Variants in RCOR3 observed in about 807,000 individuals in gnomAD.
RCOR3 encodes the protein REST corepressor 3.
RCOR3 carries 13 observed loss-of-function variants against 64.1 expected under a neutral mutation model. The ratio of observed to expected loss-of-function variants is 0.20; its 90% CI spans 0.13 to 0.32. RCOR3 has a LOEUF of 0.32. Ranked by LOEUF, RCOR3 falls within the 10% of genes least tolerant of loss-of-function variation. The pLI, the probability that RCOR3 is intolerant of heterozygous loss-of-function variation, is 1.00. For synonymous variants in RCOR3, 215 were observed against 239.0 expected (o/e 0.90, Z 0.93); for missense variants, 489 against 701.2 (o/e 0.70, Z 3.42).
chr1:211,308,215 T>C (rs2102660995), intron 10 of RCOR3, among the ~76,000 whole-genome samples: 1 of 152,328 alleles, frequency 6.6e-6, no homozygotes, highest in East Asian at 1.9e-4. Flanking sequence ...AAAAGTATAA[T>C]TGTCAGCCCT....
At chr1:211,266,146 A>G (rs1040921921) in intron 2 of RCOR3, among the ~76,000 whole-genome samples, 4 of 152,186 alleles carry the variant, frequency 2.6e-5, no homozygotes, top group African/African-American at 9.7e-5. Context: ...ACCCTGGGAA[A>G]GTCTTTGTTT....
chr1:211,259,428 G>GCCTCCT lies in RCOR3; in HGVS notation c.-124_-119dup. 3 of 867,968 alleles carry GCCTCCT rather than the reference G, an allele frequency of 3.5e-6. No individual in the cohort carries two copies. The highest frequency in any genetic ancestry group is 3.0e-5 in the East Asian group (1 of 33,424). 53.8% of individuals were successfully genotyped at this position (867,968 alleles called of 1,614,324 possible). ...CGGTTATGGCGGCTCCATATTAACAGCCTCCTCCTCCTCCGCCGCCGCCGC... is the reference window on the plus strand; with the variant it reads ...CGGTTATGGCGGCTCCATATTAACAGCCTCCTCCTCCTCCTCCTCCGCCGCCGCCGC... On this transcript the variant is annotated 5_prime_UTR_variant, in exon 1 of 12. Transcript: ENST00000419091.
intron 7 of RCOR3, among the ~76,000 whole-genome samples, chr1:211,285,895 T>A (rs941682875): frequency 6.6e-6 from 1 of 152,232 alleles, no homozygotes; most frequent in Non-Finnish European, 1.5e-5. Flanking sequence ...TTTATCTTGC[T>A]GCTGAATTGA....
At chr1:211,292,686 C>T (rs919143965) in intron 8 of RCOR3, among the ~76,000 whole-genome samples, 7 of 152,124 alleles carry the variant, frequency 4.6e-5, no homozygotes, top group African/African-American at 7.2e-5. Flanking sequence ...ATCTGTTCCA[C>T]GTTTTGTATT....
chr1:211,260,276 G>A (rs1694016810), intron 2 of RCOR3, 112 bp downstream of exon 2: 7 of 935,248 alleles, frequency 7.5e-6, no homozygotes, highest in Non-Finnish European at 1.2e-5. Context: ...GGTTGGGCTG[G>A]GCAGGCATCC....
intron 2 of RCOR3, among the ~76,000 whole-genome samples, chr1:211,265,398 C>T (rs1695008420): frequency 6.6e-6 from 1 of 152,048 alleles, no homozygotes; most frequent in Admixed American, 6.6e-5. Context: ...AGAATTTTAT[C>T]ATATATAATT....
At chr1:211,299,693 A>C in intron 9 of RCOR3, among the ~76,000 whole-genome samples, 1 of 152,208 alleles carries the variant, frequency 6.6e-6, no homozygotes, top group East Asian at 1.9e-4. Flanking sequence ...AGATCGTTCT[A>C]GAAGGCTTTT....
Position 211,278,245 on chromosome 1 carries a change from G to T in RCOR3, c.641+4G>T, listed in dbSNP as rs200985626. 8.9e-5 allele frequency: 143 copies of T among 1,613,346 alleles called. 1 individual carries two copies. The highest frequency in any genetic ancestry group is 1.1e-4 in the Non-Finnish European group (126 of 1,179,738). ...ATAGACATAATCAGGGTGACAGGTA[G>T]GTTGGTTACCTTCATATAGTTACAT... On this transcript the variant is annotated splice_donor_region_variant and intron_variant, in intron 6 of 11. Coordinates refer to ENST00000419091, the MANE Select transcript of RCOR3 (RefSeq NM_001136223.3).
At chr1:211,307,231 G>A (rs1030253266) in intron 10 of RCOR3, among the ~76,000 whole-genome samples, 2 of 152,208 alleles carry the variant, frequency 1.3e-5, no homozygotes, top group African/African-American at 4.8e-5. Flanking sequence ...GCTCACGCCT[G>A]TAATCCTAGC....
At chr1:211,281,173 T>C (rs1479018900) in intron 7 of RCOR3, among the ~76,000 whole-genome samples, 1 of 152,132 alleles carries the variant, frequency 6.6e-6, no homozygotes, top group Non-Finnish European at 1.5e-5. Flanking sequence ...CTGCTTGTGC[T>C]TTCTGTATCA....
At position 211,277,358 on chromosome 1, in the gene RCOR3, A is replaced by G. The variant is rs1030316522; in HGVS notation, c.517-759A>G. Among the ~76,000 whole-genome samples the G allele has an allele frequency of 2.6e-5, 4 of 152,176 alleles. No homozygotes were observed. The East Asian group carries it at 7.7e-4, about 29-fold the overall frequency. ...TGGAAGAGAACATTTTTGGTGGGGA[A>G]GTTGCATCCTTGTTTGTTACTCTGA... On this transcript the variant is annotated intron_variant, in intron 5 of 11. Transcript: ENST00000419091.
At chr1:211,294,708 GCCT>G (rs1346358266) in intron 8 of RCOR3, among the ~76,000 whole-genome samples, 1 of 150,354 alleles carries the variant, frequency 6.7e-6, no homozygotes, top group Non-Finnish European at 1.5e-5. Context: ...TGCTGCCTCA[GCCT>G]CCTGAGTAGC....
intron 2 of RCOR3, among the ~76,000 whole-genome samples, chr1:211,261,967 T>C (rs1174394465): frequency 1.5e-5 from 2 of 134,740 alleles, no homozygotes; most frequent in African/African-American, 5.5e-5. Context: ...AACTCCCAAC[T>C]CTTCTTTTTG....
At chr1:211,260,198 C>G in intron 2 of RCOR3, 34 bp downstream of exon 2, 5 of 1,598,800 alleles carry the variant, frequency 3.1e-6, no homozygotes, top group Non-Finnish European at 4.3e-6. Flanking sequence ...ATCTCATATC[C>G]CCTTTCCTGG....
At chr1:211,287,852 T>TG (rs1384106274) in intron 7 of RCOR3, among the ~76,000 whole-genome samples, 2 of 151,818 alleles carry the variant, frequency 1.3e-5, no homozygotes, top group Non-Finnish European at 2.9e-5. Flanking sequence ...CACTCCAGCC[T>TG]GGGGGACCAA....
Position 211,271,296 on chromosome 1 carries a change from C to G in RCOR3, c.288C>G (p.Ile96Met), listed in dbSNP as rs1245668735. 6.2e-7 allele frequency: 1 copy of G among 1,612,848 alleles called. No individual in the cohort carries two copies. The change falls in exon 3 of 12, where the codon ATC (isoleucine) becomes ATG (methionine). Residue 96 changes from isoleucine (I) to methionine (M), a missense_variant. Coordinates refer to ENST00000419091, the MANE Select transcript of RCOR3 (RefSeq NM_001136223.3). ...GMLVWSPYHS[I>M]PDAKLDEYIA... Reference sequence around the variant, plus strand: ...TTGTATGGTCTCCATATCACAGTATCCCAGATGCCAAATGTAAGTTTTCTG... The same window carrying G: ...TTGTATGGTCTCCATATCACAGTATGCCAGATGCCAAATGTAAGTTTTCTG...
chr1:211,265,609 C>T (rs1695057709), intron 2 of RCOR3, among the ~76,000 whole-genome samples: 1 of 152,100 alleles, frequency 6.6e-6, no homozygotes, highest in African/African-American at 2.4e-5. Flanking sequence ...ATCCCAGCTA[C>T]TTGGGAGGCT....
At chr1:211,272,569 C>G (rs1038423681) in intron 3 of RCOR3, among the ~76,000 whole-genome samples, 1 of 140,588 alleles carries the variant, frequency 7.1e-6, no homozygotes, top group African/African-American at 2.6e-5. Context: ...CTTTCTCAGA[C>G]CAATTAAGTT....
At chr1:211,295,105 T>C (rs1407498936) in intron 8 of RCOR3, among the ~76,000 whole-genome samples, 1 of 145,302 alleles carries the variant, frequency 6.9e-6, no homozygotes, top group Non-Finnish European at 1.5e-5. Context: ...CAGGGTGGTC[T>C]CAGACTCCTG....
Sources: gnomAD v4.1 joint callset for allele counts (sites outside exome capture counted in the v4.1 genomes callset) on GRCh38, gnomAD v4.1.1 for gene constraint, MANE v1.5 for transcripts, NCBI Gene and HGNC (gene_info 2026-07-23, HGNC 2026-07-21) for gene names.